ZNF28: variants seen among roughly 807,000 people sequenced by gnomAD.
ZNF28 encodes zinc finger protein 28, also known as zinc finger protein KOX24.
Under a neutral mutation model 7.2 loss-of-function variants are expected in ZNF28, and 5 were observed. The observed-to-expected ratio is 0.70, with a 90% CI of 0.36 to 1.46. The LOEUF is 1.46. ZNF28 is among the 40% of genes most tolerant of loss of function. ZNF28 has a pLI of 0.03. For missense variants in ZNF28, 879 were observed against 866.6 expected, an observed-to-expected ratio of 1.01 and a Z score of -0.18; for synonymous variants, 288 against 292.4, an observed-to-expected ratio of 0.99 and a Z score of 0.15.
chr19:52,803,701 G>A (rs1031803001), intron 3 of ZNF28, among the ~76,000 whole-genome samples: 7 of 152,162 alleles, frequency 4.6e-5, no homozygotes, highest in South Asian at 4.1e-4. Flanking sequence ...GCACGGTGGC[G>A]CATGCCTGTA....
rs752666958 is a variant in ZNF28, at chr19:52,800,371, C to T, written c.1474G>A (p.Glu492Lys). The T allele has an allele frequency of 2.5e-6, 4 of 1,613,966 alleles. No individual in the cohort carries two copies. Among genetic ancestry groups the T allele is most frequent in the South Asian group, 1.1e-5 (1 of 91,076 alleles). Residue 492 changes from glutamate to lysine, a missense_variant, in exon 4 of 4, where the codon GAG becomes AAG. Glu to Lys is a moderately conservative substitution (Grantham distance 56, BLOSUM62 1). Transcript: ENST00000457749. ...LERHRRIHTG[E>K]KPYKCKVCDK... The stretch of plus-strand genomic sequence containing the variant: ...CAAACCTTACATTTGTATGGTTTCT[C>T]TCCAGTATGAATCCTCCTATGTCTT...
rs1447934989 is a variant in ZNF28 at position 52,800,565 on chromosome 19, G to T, written c.1280C>A (p.Ala427Glu). 6.2e-7 allele frequency: 1 copy of T among 1,612,836 alleles called. No individual in the cohort carries two copies. Among genetic ancestry groups the T allele is most frequent in the Admixed American group, 1.7e-5 (1 of 59,782 alleles). Residue 427 changes from alanine (A) to glutamate (E), a missense_variant, in exon 4 of 4, where the codon GCA becomes GAA. Around this residue, in one of 2 missense-constraint regions of ZNF28, gnomAD observed 864 missense variants for 830.2 expected, o/e 1.04. Transcript: ENST00000457749. ...DKAFAYNSYL[A>E]KHSIIHTGEK... is the part of the protein sequence containing the mutation. ...TCCAGTGTGAATTATACTATGTTTT[G>T]CCAGGTATGAATTATATGCAAAAGC...
Position 52,800,178 on chromosome 19 carries a change from C to A in ZNF28, c.1667G>T (p.Cys556Phe). 1 of 1,613,596 alleles carries A rather than the reference C, an allele frequency of 6.2e-7. No homozygotes were observed. The highest frequency in any genetic ancestry group is 1.7e-4 in the Middle Eastern group (1 of 6,056). Residue 556 changes from cysteine to phenylalanine, a missense_variant, in exon 4 of 4, where the codon TGT (cysteine) becomes TTT (phenylalanine). By Grantham distance (205) the Cys-to-Phe change is radical. Around this residue, in one of 2 missense-constraint regions of ZNF28, gnomAD observed 864 missense variants for 830.2 expected, o/e 1.04. Transcript: ENST00000457749. ...TGATTTGCGACTGAAAACTTTCTCA[C>A]ATTCTTCACATTTGTACGGTTTCTC... ...TAEKPYKCEE[C>F]EKVFSRKSHM...
At chr19:52,804,377 G>A (rs931785228) in intron 3 of ZNF28, among the ~76,000 whole-genome samples, 3 of 152,084 alleles carry the variant, frequency 2.0e-5, no homozygotes, top group African/African-American at 7.2e-5. Flanking sequence ...TACCTCAAGT[G>A]ATTCTCCCTC....
At position 52,801,522 on chromosome 19, in the gene ZNF28, T is replaced by C. The variant is rs781145103; in HGVS notation, c.323A>G (p.Asp108Gly). ...GATTTCTGTCATGGGTGCTGCATGGTCATTTGTTTCATCTTCTTTCCACTG... is the reference window on the plus strand; with the variant it reads ...GATTTCTGTCATGGGTGCTGCATGGCCATTTGTTTCATCTTCTTTCCACTG... ...QFQWKEDETN[D>G]HAAPMTEIKE... The change falls in exon 4 of 4, where the codon GAC becomes GGC. Residue 108 changes from aspartate to glycine, a missense_variant. Physicochemically the swap from Asp to Gly is moderately conservative, Grantham distance 94 (BLOSUM62 -1). Coordinates refer to ENST00000457749, the MANE Select transcript of ZNF28 (RefSeq NM_006969.5). The C allele has an allele frequency of 1.5e-5, 24 of 1,614,052 alleles. No homozygotes were observed. The Admixed American group carries it at 2.0e-4, about 13-fold the overall frequency.
At chr19:52,814,012 ATTGT>A (rs1207951510) in intron 2 of ZNF28, among the ~76,000 whole-genome samples, 3 of 146,292 alleles carry the variant, frequency 2.1e-5, no homozygotes, top group Admixed American at 6.9e-5. Flanking sequence ...GAAAATAAAA[ATTGT>A]TTGGACTTTT....
intron 2 of ZNF28, among the ~76,000 whole-genome samples, chr19:52,816,660 A>G (rs28450473): frequency 0.64 from 84,136 of 131,044 alleles, 29,138 homozygotes; most frequent in Non-Finnish European, 0.73. Context: ...TGAAAACATC[A>G]TCTCAAAAAA....
intron 3 of ZNF28, chr19:52,807,780 TA>T: frequency 3.8e-6 from 3 of 779,574 alleles, no homozygotes; most frequent in Non-Finnish European, 5.8e-6. Flanking sequence ...CAGGCTGCCA[TA>T]AAGTTTTATG....
chr19:52,816,704 C>T (rs1270345661), intron 2 of ZNF28, among the ~76,000 whole-genome samples: 1 of 120,736 alleles, frequency 8.3e-6, no homozygotes, highest in Non-Finnish European at 1.6e-5. Context: ...TGGTGGCGCG[C>T]ACCTATAATC....
intron 3 of ZNF28, chr19:52,806,074 A>G (rs986153707): frequency 6.6e-6 from 1 of 152,232 alleles, no homozygotes; most frequent in African/African-American, 2.4e-5. Flanking sequence ...ATTTAAAATA[A>G]AAGGCATGAA....
intron 2 of ZNF28, among the ~76,000 whole-genome samples, chr19:52,815,270 C>A (rs191074687): frequency 2.1e-5 from 3 of 145,300 alleles, no homozygotes; most frequent in African/African-American, 5.4e-5. Flanking sequence ...AATCTCAGCA[C>A]TTTGGGAGGC....
intron 2 of ZNF28, among the ~76,000 whole-genome samples, chr19:52,809,636 T>C (rs2062987185): frequency 6.6e-6 from 1 of 151,998 alleles, no homozygotes; most frequent in East Asian, 1.9e-4. Flanking sequence ...TGAAAGCCCT[T>C]CTCTACTAAA....
At chr19:52,812,726 A>C (rs1217761595) in intron 2 of ZNF28, among the ~76,000 whole-genome samples, 3 of 132,420 alleles carry the variant, frequency 2.3e-5, no homozygotes, top group African/African-American at 6.0e-5. Context: ...GACCCTGCCA[A>C]ATCCCCCTCT....
chr19:52,820,899 T>C (rs2910626), intron 1 of ZNF28, among the ~76,000 whole-genome samples: 15,209 of 149,188 alleles, frequency 0.1, 1,067 homozygotes, highest in South Asian at 0.2. Flanking sequence ...ACTGCTCTCT[T>C]AGTCCCTCTC....
chr19:52,818,885 GA>G (rs561203089), intron 1 of ZNF28, among the ~76,000 whole-genome samples: 1,786 of 114,288 alleles, frequency 0.016, 120 homozygotes, highest in African/African-American at 0.062. Flanking sequence ...GTCTGTTTGG[GA>G]AAAAAAAAAA....
Position 52,799,306 on chromosome 19 carries a change from C to T in ZNF28, c.*382G>A, listed in dbSNP as rs147045862. 2.3e-6 allele frequency: 1 copy of T among 432,440 alleles called. No homozygotes were observed. 26.8% of individuals were successfully genotyped at this position (432,440 alleles called of 1,614,324 possible). ...CCAGTTTGAATTCTAATATGTTTTG[C>T]CAGGTATGAATTATATTCAAAAATC... On this transcript the variant is annotated 3_prime_UTR_variant, in exon 4 of 4. Transcript: ENST00000457749.
intron 2 of ZNF28, among the ~76,000 whole-genome samples, chr19:52,813,820 G>A (rs1355640482): frequency 2.0e-4 from 30 of 146,484 alleles, no homozygotes; most frequent in Non-Finnish European, 4.1e-4. Flanking sequence ...GGGGTTTAGA[G>A]GTGTTTCTGT....
chr19:52,804,815 A>G (rs1045955099), intron 3 of ZNF28, among the ~76,000 whole-genome samples: 9 of 152,180 alleles, frequency 5.9e-5, no homozygotes, highest in African/African-American at 2.2e-4. Context: ...AGTCTAAGCT[A>G]TTTCTAACAG....
intron 1 of ZNF28, among the ~76,000 whole-genome samples, chr19:52,820,429 C>A (rs2063181585): frequency 6.7e-6 from 1 of 149,936 alleles, no homozygotes; most frequent in Non-Finnish European, 1.5e-5. Context: ...TATTTAACCT[C>A]TTGTTGGTCC....
Sources: gnomAD v4.1 joint callset for allele counts (sites outside exome capture counted in the v4.1 genomes callset) on GRCh38, gnomAD v4.1.1 for gene constraint, gnomAD v4.1.1 regional missense constraint, MANE v1.5 for transcripts, NCBI Gene and HGNC (gene_info 2026-07-23, HGNC 2026-07-21) for gene names.